Variants in KIRREL3 observed in about 807,000 individuals in gnomAD.
KIRREL3 encodes kin of IRRE-like protein 3.
KIRREL3 carries 36 observed loss-of-function variants against 89.7 expected under a neutral mutation model. That is an observed-to-expected ratio of 0.40 (90% CI 0.31 to 0.53). KIRREL3 has a LOEUF of 0.53. Among genes scored for constraint, KIRREL3 ranks in the 20% least tolerant of loss-of-function variants. The probability of loss-of-function intolerance (pLI) is 0.49; values close to 1 mark genes in which losing one functional copy is unlikely to be tolerated. For missense variants in KIRREL3, 864 were observed against 1,056.6 expected (o/e 0.82, Z 2.53); for synonymous variants, 445 against 441.4 (o/e 1.01, Z -0.10).
At chr11:126,657,726 C>G (rs554892217) in intron 1 of KIRREL3, among the ~76,000 whole-genome samples, 1 of 152,176 alleles carries the variant, frequency 6.6e-6, no homozygotes, top group Non-Finnish European at 1.5e-5. Context: ...TGCACATGGT[C>G]TGGGTGGACC....
intron 8 of KIRREL3, among the ~76,000 whole-genome samples, chr11:126,447,644 C>T (rs962065564): frequency 1.3e-5 from 2 of 152,274 alleles, no homozygotes; most frequent in Admixed American, 1.3e-4. Context: ...CTGGAGCCTT[C>T]TGTAGACCAA....
rs946364338 is a variant in KIRREL3, at chr11:127,000,580, C to G, written c.-71G>C. On this transcript the variant is annotated 5_prime_UTR_variant, in exon 1 of 17. Transcript: ENST00000525144. The surrounding 1 kb of genome is among the most constrained non-coding windows in gnomAD (Gnocchi z 7.1). ...TTAGTTTCTCTTCCTTGGCGGCTCTCGGTGCTCAGCCTCCGCCGGTCCTCT... is the reference window on the plus strand; with the variant it reads ...TTAGTTTCTCTTCCTTGGCGGCTCTGGGTGCTCAGCCTCCGCCGGTCCTCT... 9.3e-6 allele frequency: 14 copies of G among 1,510,192 alleles called. No individual in the cohort carries two copies. Among genetic ancestry groups the G allele is most frequent in the South Asian group, 1.2e-5 (1 of 82,686 alleles). 93.5% of individuals were successfully genotyped at this position (1,510,192 alleles called of 1,614,324 possible).
intron 1 of KIRREL3, among the ~76,000 whole-genome samples, chr11:126,828,499 A>G (rs945044652): frequency 1.3e-5 from 2 of 152,134 alleles, no homozygotes; most frequent in Non-Finnish European, 2.9e-5. Flanking sequence ...TCTAAAAATG[A>G]GTGTGGTTGT....
At chr11:126,502,742 TC>T (rs1293046054) in intron 4 of KIRREL3, among the ~76,000 whole-genome samples, 1 of 152,242 alleles carries the variant, frequency 6.6e-6, no homozygotes, top group Admixed American at 6.5e-5. Context: ...CTTCTGGCTC[TC>T]CGATTTGCAT....
rs1009700994 is a variant in KIRREL3, at chr11:126,523,228, C to T, written c.284-1764G>A. 3.3e-5 allele frequency among the ~76,000 whole-genome samples: 5 copies of T among 152,046 alleles called. No homozygotes were observed. The highest frequency in any genetic ancestry group is 7.2e-5 in the African/African-American group (3 of 41,392). The stretch of plus-strand genomic sequence containing the variant: ...TGTATTCAAGCAGAGGTTGGATGAT[C>T]GCCTCTCAGGGATGTTGCAGAGGTG... On this transcript the variant is annotated intron_variant, in intron 3 of 16. Transcript: ENST00000525144. This position sits in a 1 kb window ranked among gnomAD's most constrained non-coding sequence, Gnocchi z 4.9.
chr11:126,690,497 A>G (rs1434809262), intron 1 of KIRREL3, among the ~76,000 whole-genome samples: 3 of 151,832 alleles, frequency 2.0e-5, no homozygotes, highest in African/African-American at 7.3e-5. Context: ...TCTGGTTGGG[A>G]AAATGTTACC....
chr11:126,850,833 G>C (rs1294780375), intron 1 of KIRREL3, among the ~76,000 whole-genome samples: 1 of 152,206 alleles, frequency 6.6e-6, no homozygotes, highest in Non-Finnish European at 1.5e-5. Flanking sequence ...TACTCTGCCT[G>C]GGAGAAACCT....
At chr11:126,598,183 G>A (rs2134736401) in intron 1 of KIRREL3, among the ~76,000 whole-genome samples, 1 of 152,382 alleles carries the variant, frequency 6.6e-6, no homozygotes, top group East Asian at 1.9e-4. Flanking sequence ...AGAGGGGTTG[G>A]AAGTGCTCAG....
intron 1 of KIRREL3, among the ~76,000 whole-genome samples, chr11:126,800,563 T>C (rs1305282998): frequency 1.3e-5 from 2 of 152,158 alleles, no homozygotes; most frequent in Admixed American, 6.5e-5. Flanking sequence ...GTATGTACCA[T>C]AAAAAAGTGC....
At chr11:126,511,830 TTGC>T (rs1198168513) in intron 4 of KIRREL3, among the ~76,000 whole-genome samples, 2 of 152,210 alleles carry the variant, frequency 1.3e-5, no homozygotes, top group African/African-American at 4.8e-5. Flanking sequence ...AATCCATAAT[TTGC>T]TGTGAAACCC....
At chr11:126,932,382 T>C (rs548064607) in intron 1 of KIRREL3, among the ~76,000 whole-genome samples, 1 of 152,308 alleles carries the variant, frequency 6.6e-6, no homozygotes, top group East Asian at 1.9e-4. Context: ...CAAAGCTCAA[T>C]GCATTCAACC....
rs1358737411 is a variant in KIRREL3, at chr11:126,976,836, G to A, written c.55+23619C>T. Among the ~76,000 whole-genome samples the A allele has an allele frequency of 6.6e-6, 1 of 152,042 alleles. No individual in the cohort carries two copies. Among genetic ancestry groups the A allele is most frequent in the East Asian group, 1.9e-4 (1 of 5,196 alleles). On this transcript the variant is annotated intron_variant, in intron 1 of 16. Transcript: ENST00000525144. The surrounding 1 kb of genome is among the most constrained non-coding windows in gnomAD (Gnocchi z 4.2). ...TACTGGCATAAGGTTATTACTTCAC[G>A]GTGGAGCTAGGCACTTAATCCTTGA...
intron 1 of KIRREL3, among the ~76,000 whole-genome samples, chr11:126,625,664 C>T (rs1943754597): frequency 6.6e-6 from 1 of 152,166 alleles, no homozygotes; most frequent in Admixed American, 6.5e-5. Context: ...GCACTTGGAA[C>T]ATAGCAGACC....
chr11:126,481,973 T>C (rs1957229989), intron 4 of KIRREL3, among the ~76,000 whole-genome samples: 1 of 152,246 alleles, frequency 6.6e-6, no homozygotes, highest in Admixed American at 6.5e-5. Context: ...TTCCTCCTTG[T>C]GGATAAGAGC....
In KIRREL3 at chr11:126,788,695, A is replaced by G. The variant is rs1389712812; in HGVS notation, c.55+211760T>C. ...CAGTCCTCCACATTATAGACCACAAAGGCCCTACAATTGCTATCAAAGGAA... is the reference window on the plus strand; with the variant it reads ...CAGTCCTCCACATTATAGACCACAAGGGCCCTACAATTGCTATCAAAGGAA... On this transcript the variant is annotated intron_variant, in intron 1 of 16. Coordinates refer to ENST00000525144, the MANE Select transcript of KIRREL3 (RefSeq NM_032531.4). This position sits in a 1 kb window ranked among gnomAD's most constrained non-coding sequence, Gnocchi z 4.1. 6.6e-6 allele frequency among the ~76,000 whole-genome samples: 1 copy of G among 152,160 alleles called. No individual in the cohort carries two copies. The highest frequency in any genetic ancestry group is 1.5e-5 in the Non-Finnish European group (1 of 68,040).
rs1958630704 is a variant in KIRREL3, at chr11:126,522,548, A to AAT, written c.284-1086_284-1085dup. On this transcript the variant is annotated intron_variant, in intron 3 of 16. Transcript: ENST00000525144. The surrounding 1 kb of genome is among the most constrained non-coding windows in gnomAD (Gnocchi z 6.0). ...GCCCCTTGTACCATGGGCAATGAAT[A>AAT]ATAGATAAATAAAAGTTTGAGAATA... Among the ~76,000 whole-genome samples the AAT allele has an allele frequency of 6.6e-6, 1 of 152,262 alleles. No homozygotes were observed. The highest frequency in any genetic ancestry group is 2.4e-5 in the African/African-American group (1 of 41,466).
chr11:126,444,449 A>C (rs2134188398), intron 10 of KIRREL3, among the ~76,000 whole-genome samples: 1 of 152,228 alleles, frequency 6.6e-6, no homozygotes, highest in African/African-American at 2.4e-5. Context: ...CAATGGTGAA[A>C]CCCTGTCTCT....
At chr11:126,939,917 C>T in intron 1 of KIRREL3, among the ~76,000 whole-genome samples, 1 of 152,118 alleles carries the variant, frequency 6.6e-6, no homozygotes, top group East Asian at 1.9e-4. Context: ...ATACAGGGGC[C>T]TTGGGACAAT....
At chr11:126,713,086 C>G (rs943656370) in intron 1 of KIRREL3, among the ~76,000 whole-genome samples, 2 of 152,150 alleles carry the variant, frequency 1.3e-5, no homozygotes, top group African/African-American at 2.4e-5. Context: ...TGTGAGAAAC[C>G]TGAAACTGAG....
Sources: gnomAD v4.1 joint callset for allele counts (sites outside exome capture counted in the v4.1 genomes callset) on GRCh38, gnomAD v4.1.1 for gene constraint, Gnocchi (gnomAD v3.1) non-coding constraint, MANE v1.5 for transcripts, NCBI Gene and HGNC (gene_info 2026-07-23, HGNC 2026-07-21) for gene names.